Variants in ELP4 observed in about 807,000 individuals in gnomAD.
ELP4 encodes elongator acetyltransferase complex subunit 4.
ELP4 carries 51 observed loss-of-function variants against 48.9 expected under a neutral mutation model. That is an observed-to-expected ratio of 1.04 (90% CI 0.83 to 1.32). ELP4 has a LOEUF of 1.32. Ranked by LOEUF, ELP4 falls within the 40% of genes most tolerant of loss-of-function variation. The probability of loss-of-function intolerance (pLI) is 0.00; values close to 1 mark genes in which losing one functional copy is unlikely to be tolerated. For synonymous variants in ELP4, 210 were observed against 189.2 expected (o/e 1.11, Z -0.90); for missense variants, 519 against 514.6 (o/e 1.01, Z -0.08).
At position 31,518,820 on chromosome 11, in the gene ELP4, C is replaced by T. The variant is rs1243509184; in HGVS notation, c.224-1236C>T. ...CTGAGGCAGGAGAATCACTTGAACC[C>T]GGGAGGCAGAGGTTGCAGTGAGCCG... On this transcript the variant is annotated intron_variant, in intron 1 of 9. Coordinates refer to ENST00000640961, the MANE Select transcript of ELP4 (RefSeq NM_019040.5). 3.4e-5 allele frequency among the ~76,000 whole-genome samples: 5 copies of T among 146,628 alleles called. No individual in the cohort carries two copies. In the South Asian group the frequency reaches 8.6e-4, roughly 25 times the overall value.
At chr11:31,657,279 T>A (rs1474239240) in intron 9 of ELP4, among the ~76,000 whole-genome samples, 2 of 152,072 alleles carry the variant, frequency 1.3e-5, no homozygotes, top group Non-Finnish European at 2.9e-5. Flanking sequence ...TCATTTGGAT[T>A]GTAAATTAAC....
At chr11:31,755,730 CAAAAAAAA>C (rs58181247) in intron 9 of ELP4, among the ~76,000 whole-genome samples, 3 of 99,252 alleles carry the variant, frequency 3.0e-5, no homozygotes, top group East Asian at 2.8e-4. Context: ...CCTGGAATTA[CAAAAAAAA>C]AAAAAAAAAA....
In ELP4 at chr11:31,510,542, G is replaced by A. The variant is rs578051475; in HGVS notation, c.223+535G>A. 1.3e-4 allele frequency: 52 copies of A among 402,392 alleles called. No homozygotes were observed. In the East Asian group the frequency reaches 1.4e-3, roughly 11 times the overall value. 24.9% of individuals were successfully genotyped at this position (402,392 alleles called of 1,614,324 possible). On this transcript the variant is annotated intron_variant, in intron 1 of 9. Transcript: ENST00000640961. ...AAGAGAGCGAATGTTAAAGGCTTAT[G>A]TTGACACATAATCCTTATAAAGTAT...
At chr11:31,631,788 C>T (rs555625683) in intron 6 of ELP4, among the ~76,000 whole-genome samples, 19 of 151,970 alleles carry the variant, frequency 1.3e-4, no homozygotes, top group African/African-American at 4.1e-4. Flanking sequence ...AAAGATCAGG[C>T]AGTAGGTAGG....
At chr11:31,689,561 A>G (rs933835710) in intron 9 of ELP4, 2 of 152,250 alleles carry the variant, frequency 1.3e-5, no homozygotes, top group Admixed American at 6.5e-5. Context: ...ATTTGTCTGA[A>G]TGGAGGGTGG....
chr11:31,683,982 T>C (rs1203385221), intron 9 of ELP4, among the ~76,000 whole-genome samples: 1 of 152,176 alleles, frequency 6.6e-6, no homozygotes, highest in African/African-American at 2.4e-5. Flanking sequence ...ATCAGTAATA[T>C]TTAATGCATG....
chr11:31,746,920 A>C (rs950392678), intron 9 of ELP4, among the ~76,000 whole-genome samples: 2 of 134,962 alleles, frequency 1.5e-5, no homozygotes, highest in Admixed American at 1.4e-4. Context: ...AAGTGAAAAA[A>C]ATAAAAAATA....
At chr11:31,590,768 A>G (rs1476082475) in intron 3 of ELP4, among the ~76,000 whole-genome samples, 3 of 152,158 alleles carry the variant, frequency 2.0e-5, no homozygotes, top group African/African-American at 7.2e-5. Flanking sequence ...GAGAGCAAGC[A>G]GGAAGGTAGT....
chr11:31,588,985 AAAT>A (rs1431310481), intron 3 of ELP4, among the ~76,000 whole-genome samples: 1 of 152,176 alleles, frequency 6.6e-6, no homozygotes, highest in East Asian at 1.9e-4. Flanking sequence ...TCTGTCTCAA[AAAT>A]AATAATAATA....
intron 3 of ELP4, among the ~76,000 whole-genome samples, chr11:31,552,221 A>G (rs924312032): frequency 6.6e-6 from 1 of 152,100 alleles, no homozygotes; most frequent in Admixed American, 6.6e-5. Context: ...TTATTTACTC[A>G]AACTTTTAAT....
intron 1 of ELP4, among the ~76,000 whole-genome samples, chr11:31,518,163 A>G (rs1292089556): frequency 6.7e-6 from 1 of 148,996 alleles, no homozygotes; most frequent in Non-Finnish European, 1.5e-5. Flanking sequence ...CTGGAGTGCA[A>G]TGGTGCAATC....
At chr11:31,748,087 A>G (rs569350623) in intron 9 of ELP4, among the ~76,000 whole-genome samples, 103 of 152,200 alleles carry the variant, frequency 6.8e-4, no homozygotes, top group Non-Finnish European at 1.2e-3. Flanking sequence ...TTTAGAGATA[A>G]GCAGCTGAAG....
chr11:31,776,975 G>A (rs879575380), intron 9 of ELP4, among the ~76,000 whole-genome samples: 2 of 152,028 alleles, frequency 1.3e-5, no homozygotes, highest in African/African-American at 4.8e-5. Context: ...GCAAATATTT[G>A]GTTCTGGCAT....
chr11:31,657,849 TATTA>T (rs988445833), intron 9 of ELP4, among the ~76,000 whole-genome samples: 1 of 152,016 alleles, frequency 6.6e-6, no homozygotes, highest in Non-Finnish European at 1.5e-5. Flanking sequence ...TGTTAATTAT[TATTA>T]ATTTTAAAAA....
In ELP4 at chr11:31,790,242, C is replaced by T. The variant is rs1592358319; in HGVS notation, c.*6718C>T. ...CCTATTGGATCCCAAGTACCCCCCA[C>T]CCCAATCCAAAGGAAAAGAAAAAAA... On this transcript the variant is annotated 3_prime_UTR_variant, in exon 10 of 10. Transcript: ENST00000640961. The T allele has an allele frequency of 1.9e-6, 1 of 531,380 alleles. No homozygotes were observed. 32.9% of individuals were successfully genotyped at this position (531,380 alleles called of 1,614,324 possible).
At chr11:31,562,818 C>T (rs1957043729) in intron 3 of ELP4, among the ~76,000 whole-genome samples, 1 of 152,016 alleles carries the variant, frequency 6.6e-6, no homozygotes, top group South Asian at 2.1e-4. Context: ...ACCCCTTAAC[C>T]TGACTTTATG....
chr11:31,668,620 C>T (rs894332044), intron 9 of ELP4, among the ~76,000 whole-genome samples: 6 of 147,232 alleles, frequency 4.1e-5, no homozygotes, highest in African/African-American at 1.5e-4. Flanking sequence ...GCCACCGCAC[C>T]TAGCTGTGAT....
At chr11:31,732,971 TAGG>T (rs1218878353) in intron 9 of ELP4, among the ~76,000 whole-genome samples, 1 of 152,068 alleles carries the variant, frequency 6.6e-6, no homozygotes, top group African/African-American at 2.4e-5. Flanking sequence ...ACAATAATAG[TAGG>T]AGATTTCATA....
intron 9 of ELP4, among the ~76,000 whole-genome samples, chr11:31,740,959 G>A (rs1947431073): frequency 6.6e-6 from 1 of 152,262 alleles, no homozygotes; most frequent in Non-Finnish European, 1.5e-5. Flanking sequence ...CACCCGGGAA[G>A]TGCAAGGGGT....
Sources: gnomAD v4.1 joint callset for allele counts (sites outside exome capture counted in the v4.1 genomes callset) on GRCh38, gnomAD v4.1.1 for gene constraint, MANE v1.5 for transcripts, NCBI Gene and HGNC (gene_info 2026-07-23, HGNC 2026-07-21) for gene names.